The following KCNG3 variants were observed in gnomAD, a reference collection of about 807,000 sequenced individuals.
The protein encoded by KCNG3 is voltage-gated potassium channel regulatory subunit KCNG3.
In KCNG3, 15 loss-of-function variants were observed where a neutral mutation model predicts 29.0. That is an observed-to-expected ratio of 0.52 (90% CI 0.35 to 0.80). The LOEUF (loss-of-function observed/expected upper bound fraction) is 0.80. Among genes scored for constraint, KCNG3 ranks in the 30% least tolerant of loss-of-function variants. The pLI, the probability that KCNG3 is intolerant of heterozygous loss-of-function variation, is 0.01. For missense variants in KCNG3, 512 were observed against 605.7 expected, an observed-to-expected ratio of 0.85 and a Z score of 1.62; for synonymous variants, 322 against 248.9, an observed-to-expected ratio of 1.29 and a Z score of -2.76.
At chr2:42,478,741 T>C (rs573172886) in intron 1 of KCNG3, among the ~76,000 whole-genome samples, 1 of 152,278 alleles carries the variant, frequency 6.6e-6, no homozygotes, top group South Asian at 2.1e-4. Flanking sequence ...GCTCTATGGC[T>C]ACTTGAGGGC....
chr2:42,461,646 C>T (rs748209177), intron 1 of KCNG3, among the ~76,000 whole-genome samples: 1 of 152,158 alleles, frequency 6.6e-6, no homozygotes, highest in African/African-American at 2.4e-5. Context: ...CTTCAGGTGC[C>T]ACAATCCCTT....
At chr2:42,458,237 A>G (rs1672927312) in intron 1 of KCNG3, among the ~76,000 whole-genome samples, 1 of 152,172 alleles carries the variant, frequency 6.6e-6, no homozygotes, top group East Asian at 1.9e-4. Context: ...CTCCTCCCAC[A>G]GTTTTTAAGG....
At chr2:42,466,595 A>G (rs1388385241) in intron 1 of KCNG3, among the ~76,000 whole-genome samples, 2 of 152,104 alleles carry the variant, frequency 1.3e-5, no homozygotes, top group Non-Finnish European at 2.9e-5. Flanking sequence ...AGGACTCTCT[A>G]TGACGTTCAC....
the KCNG3 span, among the ~76,000 whole-genome samples, chr2:42,418,221 T>C: frequency 6.6e-6 from 1 of 152,166 alleles, no homozygotes; most frequent in African/African-American, 2.4e-5. Flanking sequence ...CTTTTACATG[T>C]CTTATTTCAC....
At chr2:42,465,569 G>A (rs1439208280) in intron 1 of KCNG3, among the ~76,000 whole-genome samples, 1 of 151,922 alleles carries the variant, frequency 6.6e-6, no homozygotes, top group Non-Finnish European at 1.5e-5. Context: ...TGAGCAAGTA[G>A]GCAAACTTTC....
Position 42,443,051 on chromosome 2 carries a change from G to C in KCNG3, c.*883C>G, listed in dbSNP as rs1339623051. On this transcript the variant is annotated 3_prime_UTR_variant, in exon 2 of 2. Coordinates refer to ENST00000306078, the MANE Select transcript of KCNG3 (RefSeq NM_133329.6). ...AGTCTTATTAAACCTCTAGTGTTTG[G>C]GGGAGGAGGTTAAGAGAAGAAGAGG... The C allele has an allele frequency of 6.6e-6, 1 of 152,098 alleles. No homozygotes were observed. Among genetic ancestry groups the C allele is most frequent in the East Asian group, 1.9e-4 (1 of 5,200 alleles). 9.4% of individuals were successfully genotyped at this position (152,098 alleles called of 1,614,324 possible). A position where few individuals can be genotyped will look rare whatever the true frequency, so the allele number is the denominator to read the frequency against.
At chr2:42,446,921 G>C (rs115402205) in intron 1 of KCNG3, among the ~76,000 whole-genome samples, 16,623 of 150,942 alleles carry the variant, frequency 0.11, 1,020 homozygotes, top group South Asian at 0.25. Flanking sequence ...TGGGAGTATA[G>C]CTTGAGCCCA....
chr2:42,398,264 TA>T, the KCNG3 span, among the ~76,000 whole-genome samples: 56 of 132,620 alleles, frequency 4.2e-4, no homozygotes, highest in Middle Eastern at 3.7e-3. Context: ...AATAAATAAA[TA>T]AAATAAAATA....
chr2:42,467,149 T>C (rs1284750007), intron 1 of KCNG3, among the ~76,000 whole-genome samples: 2 of 151,836 alleles, frequency 1.3e-5, no homozygotes, highest in African/African-American at 2.4e-5. Flanking sequence ...CCCAGAAAAA[T>C]GAATCAGACC....
chr2:42,445,959 T>C (rs1672587283), intron 1 of KCNG3, among the ~76,000 whole-genome samples: 1 of 151,860 alleles, frequency 6.6e-6, no homozygotes, highest in Admixed American at 6.6e-5. Flanking sequence ...ACTCCTTACG[T>C]CAGTTGTTCT....
chr2:42,416,077 C>T, the KCNG3 span, among the ~76,000 whole-genome samples: 2 of 151,968 alleles, frequency 1.3e-5, no homozygotes, highest in Non-Finnish European at 2.9e-5. Flanking sequence ...CATCTGTAAT[C>T]CCAGCTGATT....
the KCNG3 span, among the ~76,000 whole-genome samples, chr2:42,434,437 C>T: frequency 2.0e-5 from 2 of 101,608 alleles, no homozygotes; most frequent in Non-Finnish European, 1.8e-5. Flanking sequence ...CCAGCCTGGG[C>T]AACAGAGTGA....
chr2:42,445,738 T>A (rs537946307), intron 1 of KCNG3, among the ~76,000 whole-genome samples: 33 of 152,320 alleles, frequency 2.2e-4, no homozygotes, highest in African/African-American at 7.9e-4. Context: ...GATTCCTTTT[T>A]TTTTTTGAGA....
intron 1 of KCNG3, among the ~76,000 whole-genome samples, chr2:42,458,766 A>G (rs1472882376): frequency 1.3e-5 from 2 of 151,048 alleles, no homozygotes; most frequent in Non-Finnish European, 2.9e-5. Context: ...AAAACCTCAG[A>G]AAGAAGCAAC....
chr2:42,467,160 A>T (rs977663438), intron 1 of KCNG3, among the ~76,000 whole-genome samples: 3 of 152,208 alleles, frequency 2.0e-5, no homozygotes, highest in Non-Finnish European at 1.5e-5. Flanking sequence ...GAATCAGACC[A>T]AAATTTTCAG....
intron 1 of KCNG3, chr2:42,464,126 A>G (rs1673085796): frequency 5.0e-6 from 1 of 198,626 alleles, no homozygotes; most frequent in Admixed American, 6.1e-5. Flanking sequence ...ATTATTTGCT[A>G]TTTCCTAACA....
intron 1 of KCNG3, among the ~76,000 whole-genome samples, chr2:42,466,535 C>T (rs1673144906): frequency 6.6e-6 from 1 of 152,164 alleles, no homozygotes; most frequent in African/African-American, 2.4e-5. Context: ...CTATACTATA[C>T]AGCCTAAGTG....
chr2:42,394,479 A>G, the KCNG3 span, among the ~76,000 whole-genome samples: 13 of 152,140 alleles, frequency 8.5e-5, no homozygotes, highest in African/African-American at 3.1e-4. Flanking sequence ...TGTCACACCT[A>G]CACCCTTCTC....
At chr2:42,410,598 A>G in the KCNG3 span, among the ~76,000 whole-genome samples, 1 of 152,108 alleles carries the variant, frequency 6.6e-6, no homozygotes. Context: ...TAGAGACTTT[A>G]TATTTTCTAT....
Sources: allele counts gnomAD v4.1 joint callset (sites outside exome capture counted in the v4.1 genomes callset), GRCh38; gene constraint gnomAD v4.1.1; transcripts MANE v1.5; gene names NCBI Gene and HGNC (gene_info 2026-07-23, HGNC 2026-07-21).